PLXNA4: variants seen among roughly 807,000 people sequenced by gnomAD.
The protein encoded by PLXNA4 is plexin-A4.
Under a neutral mutation model 191.8 loss-of-function variants are expected in PLXNA4, and 44 were observed. The observed-to-expected ratio is 0.23, with a 90% CI of 0.18 to 0.29. The LOEUF is 0.29. Ranked by LOEUF, PLXNA4 falls within the 10% of genes least tolerant of loss-of-function variation. The probability of loss-of-function intolerance (pLI) is 1.00; values close to 1 mark genes in which losing one functional copy is unlikely to be tolerated. For synonymous variants in PLXNA4, 1,082 were observed against 1,009.5 expected, an observed-to-expected ratio of 1.07 and a Z score of -1.36; for missense variants, 1,800 against 2,488.8, an observed-to-expected ratio of 0.72 and a Z score of 5.89.
At chr7:132,561,676 T>C (rs1364886423) in intron 1 of PLXNA4, among the ~76,000 whole-genome samples, 325 of 50,612 alleles carry the variant, frequency 6.4e-3, no homozygotes, top group Admixed American at 8.8e-3. Context: ...TCCTCCTCCT[T>C]CTCCTCCTCC....
At chr7:132,510,318 C>T (rs1012516651) in intron 1 of PLXNA4, among the ~76,000 whole-genome samples, 1 of 152,166 alleles carries the variant, frequency 6.6e-6, no homozygotes, top group African/African-American at 2.4e-5. Context: ...GGAAGAAAAC[C>T]AAATAAAGAC....
At chr7:132,329,798 G>T (rs1361970563) in intron 3 of PLXNA4, among the ~76,000 whole-genome samples, 1 of 152,172 alleles carries the variant, frequency 6.6e-6, no homozygotes, top group Non-Finnish European at 1.5e-5. Flanking sequence ...AAGGCTCCCA[G>T]GTTCTTGTCC....
intron 4 of PLXNA4, among the ~76,000 whole-genome samples, chr7:132,296,935 G>T (rs1293489696): frequency 4.6e-5 from 7 of 152,110 alleles, no homozygotes; most frequent in Non-Finnish European, 8.8e-5. Flanking sequence ...AGGGCACAGT[G>T]GGTCCCAGTA....
intron 4 of PLXNA4, among the ~76,000 whole-genome samples, chr7:132,250,141 C>T (rs1799195846): frequency 6.6e-6 from 1 of 152,150 alleles, no homozygotes; most frequent in South Asian, 2.1e-4. Context: ...CCTCTTTTTC[C>T]TCATCTAAGT....
intron 3 of PLXNA4, among the ~76,000 whole-genome samples, chr7:132,317,441 T>G (rs532809250): frequency 6.6e-6 from 1 of 151,718 alleles, no homozygotes; most frequent in African/African-American, 2.4e-5. Context: ...TGTTGGATTG[T>G]ATTGAATTGG....
intron 2 of PLXNA4, among the ~76,000 whole-genome samples, chr7:132,498,909 A>G (rs1427381389): frequency 6.6e-6 from 1 of 152,222 alleles, no homozygotes; most frequent in African/African-American, 2.4e-5. Context: ...TAAAAGCAAC[A>G]CTTCTTTTAA....
At chr7:132,589,118 A>G (rs1460012768) in intron 2 of PLXNA4, among the ~76,000 whole-genome samples, 2 of 152,242 alleles carry the variant, frequency 1.3e-5, no homozygotes, top group East Asian at 1.9e-4. Flanking sequence ...AATGCCTACC[A>G]TATGTCACTA....
At chr7:132,390,664 C>T (rs1805368667) in intron 3 of PLXNA4, among the ~76,000 whole-genome samples, 1 of 152,136 alleles carries the variant, frequency 6.6e-6, no homozygotes, top group Admixed American at 6.5e-5. Context: ...GGATGTGCCA[C>T]ATCATGGCCC....
chr7:132,606,183 C>A (rs1208085267), intron 2 of PLXNA4, among the ~76,000 whole-genome samples: 1 of 152,012 alleles, frequency 6.6e-6, no homozygotes, highest in African/African-American at 2.4e-5. Context: ...AAAAGAAGCA[C>A]GGAGAATTGA....
chr7:132,524,958 G>A (rs375344818), intron 1 of PLXNA4, among the ~76,000 whole-genome samples: 36 of 152,130 alleles, frequency 2.4e-4, no homozygotes, highest in Middle Eastern at 3.4e-3. Context: ...ACTTTTAAGC[G>A]TACAGTTCAG....
chr7:132,615,829 G>T (rs1320621317), intron 2 of PLXNA4, among the ~76,000 whole-genome samples: 2 of 151,338 alleles, frequency 1.3e-5, no homozygotes, highest in Non-Finnish European at 2.9e-5. Flanking sequence ...GCATTCATTC[G>T]CTCCTTCTCC....
chr7:132,601,593 G>A (rs901856064), intron 2 of PLXNA4, among the ~76,000 whole-genome samples: 38 of 152,214 alleles, frequency 2.5e-4, no homozygotes, highest in African/African-American at 8.4e-4. Context: ...CTTGGGAATG[G>A]AAGTCTTACA....
intron 3 of PLXNA4, among the ~76,000 whole-genome samples, chr7:132,373,346 A>G (rs1804521442): frequency 6.6e-6 from 1 of 152,124 alleles, no homozygotes; most frequent in Admixed American, 6.5e-5. Flanking sequence ...AGAGGAAGGG[A>G]AGGAAAGGAA....
At chr7:132,299,427 C>T (rs1801224872) in intron 3 of PLXNA4, among the ~76,000 whole-genome samples, 1 of 152,166 alleles carries the variant, frequency 6.6e-6, no homozygotes, top group African/African-American at 2.4e-5. Flanking sequence ...CAACTGACCA[C>T]ACCAGGTCCC....
chr7:132,408,119 A>G (rs1490617306), intron 3 of PLXNA4, among the ~76,000 whole-genome samples: 2 of 152,182 alleles, frequency 1.3e-5, no homozygotes, highest in African/African-American at 4.8e-5. Flanking sequence ...ACTTAAATAT[A>G]AAACAGTAGG....
chr7:132,235,373 G>T (rs765676122), intron 5 of PLXNA4, among the ~76,000 whole-genome samples: 8 of 152,108 alleles, frequency 5.3e-5, no homozygotes, highest in African/African-American at 9.6e-5. Context: ...GTCCTCAGTT[G>T]TAACTAAGTT....
rs79204892 is a variant in PLXNA4, at chr7:132,254,902, G to A, written c.1504-13736C>T. 4.5e-3 allele frequency among the ~76,000 whole-genome samples: 681 copies of A among 152,288 alleles called. 7 individuals are homozygous for A. The highest frequency in any genetic ancestry group is 0.016 in the African/African-American group (648 of 41,542). ...CTATTAGAGCTATATTTAGACTAGG[G>A]GTTCAGTGAGCTCAGAAATAATTGC... On this transcript the variant is annotated intron_variant, in intron 4 of 31. Transcript: ENST00000321063.
intron 8 of PLXNA4, among the ~76,000 whole-genome samples, chr7:132,224,606 A>C (rs1798252479): frequency 6.6e-6 from 1 of 152,136 alleles, no homozygotes; most frequent in Non-Finnish European, 1.5e-5. Context: ...GCTTAAAATC[A>C]TTTTATGGGC....
At chr7:132,132,567 GTTCCA>G (rs1794999760) in intron 31 of PLXNA4, among the ~76,000 whole-genome samples, 2 of 105,626 alleles carry the variant, frequency 1.9e-5, no homozygotes, top group African/African-American at 6.3e-5. Flanking sequence ...ATTCTACTCC[GTTCCA>G]TTCCATTCCA....
Sources: gnomAD v4.1 joint callset for allele counts (sites outside exome capture counted in the v4.1 genomes callset) on GRCh38, gnomAD v4.1.1 for gene constraint, MANE v1.5 for transcripts, NCBI Gene and HGNC (gene_info 2026-07-23, HGNC 2026-07-21) for gene names.